Variants in SYT1 observed in about 807,000 individuals in gnomAD.
The protein encoded by SYT1 is synaptotagmin 1.
Under a neutral mutation model 44.8 loss-of-function variants are expected in SYT1, and 8 were observed. The ratio of observed to expected loss-of-function variants is 0.18; its 90% confidence interval spans 0.10 to 0.32. The LOEUF is 0.32. Among genes scored for constraint, SYT1 ranks in the 10% least tolerant of loss-of-function variants. SYT1 has a pLI of 1.00. For synonymous variants in SYT1, 154 were observed against 188.8 expected (o/e 0.82, Z 1.51); for missense variants, 286 against 509.3 (o/e 0.56, Z 4.22).
chr12:79,436,442 C>CTGTAGTGACTGTAGTAGTTAAGAA (rs1870094849), intron 9 of SYT1, among the ~76,000 whole-genome samples: 2 of 152,130 alleles, frequency 1.3e-5, no homozygotes, highest in Non-Finnish European at 2.9e-5. Flanking sequence ...GCCATGGTCA[C>CTGTAGTGACTGTAGTAGTTAAGAA]AGGAGCCCAC....
chr12:79,013,552 T>C (rs1404780822), intron 2 of SYT1, among the ~76,000 whole-genome samples: 2 of 152,148 alleles, frequency 1.3e-5, no homozygotes, highest in African/African-American at 2.4e-5. Context: ...CACTAACTCA[T>C]CTCCCCATCT....
At chr12:78,969,474 C>T (rs191650517) in intron 1 of SYT1, among the ~76,000 whole-genome samples, 1 of 152,226 alleles carries the variant, frequency 6.6e-6, no homozygotes, top group East Asian at 1.9e-4. Context: ...CTTGGTTGGG[C>T]TTCAGGAATG....
chr12:79,392,687 A>C (rs1338724455), intron 9 of SYT1: 1 of 152,180 alleles, frequency 6.6e-6, no homozygotes, highest in Non-Finnish European at 1.5e-5. Flanking sequence ...AATGAAGATT[A>C]ATCTGGTCCA....
chr12:78,937,926 T>C (rs183313632), intron 1 of SYT1, among the ~76,000 whole-genome samples: 9 of 152,258 alleles, frequency 5.9e-5, no homozygotes, highest in East Asian at 5.8e-4. Flanking sequence ...TTCCAGTTAC[T>C]TGGGGACGAG....
intron 8 of SYT1, among the ~76,000 whole-genome samples, chr12:79,330,910 A>G (rs555587066): frequency 6.6e-6 from 1 of 152,270 alleles, no homozygotes; most frequent in East Asian, 1.9e-4. Flanking sequence ...TAATTATGGC[A>G]CTCACTGTCT....
chr12:79,350,552 C>T (rs533737519), intron 8 of SYT1, among the ~76,000 whole-genome samples: 1 of 152,212 alleles, frequency 6.6e-6, no homozygotes, highest in South Asian at 2.1e-4. Flanking sequence ...GCGCCCGGCC[C>T]TCAGGATGCA....
Position 79,204,778 on chromosome 12 carries a change from C to CTT in SYT1, c.-17-12703_-17-12702dup, listed in dbSNP as rs5799419. Among the ~76,000 whole-genome samples the CTT allele has an allele frequency of 3.6e-4, 6 of 16,466 alleles. 2 individuals are homozygous for CTT. The South Asian group carries it at 4.1e-3, about 11-fold the overall frequency. 10.8% of individuals were successfully genotyped at this position (16,466 alleles called of 152,430 possible). A position where few individuals can be genotyped will look rare whatever the true frequency, so the allele number is the denominator to read the frequency against. ...AAGAGAGACTTTGCTCCTGTTGTAACTTTTTTTTTTTTTTTTTTTTTTTGA... is the reference window on the plus strand; with the variant it reads ...AAGAGAGACTTTGCTCCTGTTGTAACTTTTTTTTTTTTTTTTTTTTTTTTTGA... On this transcript the variant is annotated intron_variant, in intron 3 of 10. Transcript: ENST00000261205.
chr12:79,180,291 C>T (rs1009885769), intron 3 of SYT1, among the ~76,000 whole-genome samples: 4 of 152,064 alleles, frequency 2.6e-5, no homozygotes, highest in Non-Finnish European at 5.9e-5. Flanking sequence ...TCCTTACACA[C>T]TATCCTCACT....
rs528610226 is a variant in SYT1 at position 79,025,076 on chromosome 12, C to T, written c.-83-22221C>T. ...GCTTACAGATGTATACATTAATGAA[C>T]TAATTATTGTGAATACCAAGTGTTG... On this transcript the variant is annotated intron_variant, in intron 2 of 10. Transcript: ENST00000261205. 2.6e-5 allele frequency among the ~76,000 whole-genome samples: 4 copies of T among 151,824 alleles called. 1 individual carries two copies. In the East Asian group the frequency reaches 5.8e-4, roughly 22 times the overall value.
chr12:78,965,768 T>C (rs1879736834), intron 1 of SYT1, among the ~76,000 whole-genome samples: 1 of 152,018 alleles, frequency 6.6e-6, no homozygotes, highest in Admixed American at 6.6e-5. Context: ...GCGTGGAGCC[T>C]AGTAAATCAT....
At chr12:79,190,216 A>T (rs921242895) in intron 3 of SYT1, among the ~76,000 whole-genome samples, 2 of 152,030 alleles carry the variant, frequency 1.3e-5, no homozygotes, top group African/African-American at 4.8e-5. Context: ...ATGCATATAT[A>T]TTTTTCAAGC....
At chr12:79,146,356 T>C (rs914092167) in intron 3 of SYT1, among the ~76,000 whole-genome samples, 3 of 152,184 alleles carry the variant, frequency 2.0e-5, no homozygotes, top group Non-Finnish European at 4.4e-5. Context: ...GTCAGCTGTA[T>C]GTCAGGCTCT....
chr12:79,024,721 A>G (rs1872415259), intron 2 of SYT1, among the ~76,000 whole-genome samples: 1 of 151,714 alleles, frequency 6.6e-6, no homozygotes, highest in Non-Finnish European at 1.5e-5. Flanking sequence ...TAGCAATATC[A>G]TTTCTGTAGG....
chr12:79,030,408 C>T (rs1872759979), intron 2 of SYT1, among the ~76,000 whole-genome samples: 1 of 150,992 alleles, frequency 6.6e-6, no homozygotes, highest in Non-Finnish European at 1.5e-5. Flanking sequence ...CCCTCCATAA[C>T]TTTTCTCCTT....
intron 3 of SYT1, among the ~76,000 whole-genome samples, chr12:79,211,396 T>C (rs1383803240): frequency 6.6e-6 from 1 of 152,208 alleles, no homozygotes. Flanking sequence ...CCATTTAAGA[T>C]TAATTTTTTA....
intron 1 of SYT1, among the ~76,000 whole-genome samples, chr12:78,908,620 A>G (rs1383153477): frequency 1.3e-5 from 2 of 151,936 alleles, no homozygotes; most frequent in Non-Finnish European, 1.5e-5. Flanking sequence ...ACACTAAAAT[A>G]TGGTTTTCCC....
chr12:79,147,242 A>G (rs1171204614), intron 3 of SYT1, among the ~76,000 whole-genome samples: 1 of 152,172 alleles, frequency 6.6e-6, no homozygotes, highest in African/African-American at 2.4e-5. Context: ...TCTACTCTTC[A>G]TATTTGCTCT....
chr12:78,890,537 A>G (rs1874995568), intron 1 of SYT1, among the ~76,000 whole-genome samples: 3 of 151,892 alleles, frequency 2.0e-5, no homozygotes, highest in Admixed American at 1.3e-4. Flanking sequence ...TTGAAGTATA[A>G]TAAAATAATA....
intron 3 of SYT1, among the ~76,000 whole-genome samples, chr12:79,168,562 A>C (rs1180334170): frequency 6.6e-6 from 1 of 152,046 alleles, no homozygotes; most frequent in Non-Finnish European, 1.5e-5. Flanking sequence ...AATTTTTCTG[A>C]TATAGTCACT....
Sources: allele counts gnomAD v4.1 joint callset (sites outside exome capture counted in the v4.1 genomes callset), GRCh38; gene constraint gnomAD v4.1.1; transcripts MANE v1.5; gene names NCBI Gene and HGNC (gene_info 2026-07-23, HGNC 2026-07-21).